Variants in SPG7 observed in about 807,000 individuals in gnomAD.
SPG7 encodes the protein mitochondrial inner membrane m-AAA protease component paraplegin.
In SPG7, 103 loss-of-function variants were observed where a neutral mutation model predicts 81.9. The observed-to-expected ratio is 1.26, with a 90% CI of 1.07 to 1.48. The LOEUF (loss-of-function observed/expected upper bound fraction) is 1.48, where lower values mean the gene tolerates loss of function less well. Among genes scored for constraint, SPG7 ranks in the 40% most tolerant of loss-of-function variants. The probability of loss-of-function intolerance (pLI) is 0.00; values close to 1 mark genes in which losing one functional copy is unlikely to be tolerated. For synonymous variants in SPG7, 534 were observed against 444.2 expected, an observed-to-expected ratio of 1.20 and a Z score of -2.54; for missense variants, 1,241 against 1,087.3, an observed-to-expected ratio of 1.14 and a Z score of -1.99.
rs199557055 is a variant in SPG7 at position 89,515,711 on chromosome 16, TA to T, written c.376+2675del. ...CTATTATTATTATTACTATTATTATTATTATTTTTTTTTTTGAGATGGGGTC... is the reference window on the plus strand; with the variant it reads ...CTATTATTATTATTACTATTATTATTTTATTTTTTTTTTTGAGATGGGGTC... On this transcript the variant is annotated intron_variant, in intron 3 of 16. Coordinates refer to ENST00000645818, the MANE Select transcript of SPG7 (RefSeq NM_003119.4). Among the ~76,000 whole-genome samples, 115 of 143,820 alleles carry T rather than the reference TA, an allele frequency of 8.0e-4. 1 individual carries two copies. The highest frequency in any genetic ancestry group is 3.0e-3 in the African/African-American group (106 of 35,654). The allele number at this position is 143,820 out of a possible 152,430, so 94.4% of individuals were successfully genotyped here.
Position 89,537,524 on chromosome 16 carries a change from T to G in SPG7, c.1324+4888T>G, listed in dbSNP as rs959526226. 6.0e-6 allele frequency: 6 copies of G among 992,290 alleles called. No homozygotes were observed. The African/African-American group carries it at 8.7e-5, about 14-fold the overall frequency. 61.5% of individuals were successfully genotyped at this position (992,290 alleles called of 1,614,324 possible). A position where few individuals can be genotyped will look rare whatever the true frequency, so the allele number is the denominator to read the frequency against. ...CACAGAAAAGGCTGCTGTGAACATT[T>G]TATGCTTCGACTTTTTTTTTCTTCA... On this transcript the variant is annotated intron_variant, in intron 9 of 16. Transcript: ENST00000645818.
At chr16:89,511,478 T>G (rs1555609236) in intron 2 of SPG7, among the ~76,000 whole-genome samples, 1 of 152,242 alleles carries the variant, frequency 6.6e-6, no homozygotes, top group Non-Finnish European at 1.5e-5. Flanking sequence ...TTAAACAGCT[T>G]TGTGCCAACA....
chr16:89,523,958 C>G (rs755249434), intron 3 of SPG7, 48 bp from the exon 4 acceptor site: 1 of 1,605,834 alleles, frequency 6.2e-7, no homozygotes, highest in South Asian at 1.1e-5. Context: ...TCGCCCGTGT[C>G]TGTTGCTCAT....
intron 12 of SPG7, chr16:89,549,240 G>A (rs754142444): frequency 4.4e-6 from 2 of 456,864 alleles, no homozygotes; most frequent in Admixed American, 2.3e-5. Flanking sequence ...AATACATGAC[G>A]TACTTGAGTG....
chr16:89,536,582 G>GGGTGA (rs1432199830), intron 9 of SPG7, among the ~76,000 whole-genome samples: 6 of 56,208 alleles, frequency 1.1e-4, no homozygotes, highest in Non-Finnish European at 2.0e-4. Flanking sequence ...CAGGTGAGGC[G>GGGTGA]GGTGAGGTGA....
chr16:89,544,815 C>T (rs2058542587), intron 10 of SPG7, 43 bp downstream of exon 10: 1 of 1,611,710 alleles, frequency 6.2e-7, no homozygotes. Flanking sequence ...ACCTGGGCCG[C>T]CCCCACTCGC....
chr16:89,548,762 T>C, intron 12 of SPG7: 2 of 359,208 alleles, frequency 5.6e-6, no homozygotes, highest in Non-Finnish European at 1.1e-5. Context: ...GAGGTTTCCA[T>C]AGCTATGATG....
intron 11 of SPG7, chr16:89,547,689 C>T (rs561488639): frequency 2.6e-5 from 10 of 377,718 alleles, no homozygotes; most frequent in Admixed American, 1.9e-4. Flanking sequence ...CTTGGCTCCC[C>T]GCAGCCTCCG....
At chr16:89,554,762 G>A (rs908130478) in intron 16 of SPG7, 199 bp downstream of exon 16, 5 of 583,204 alleles carry the variant, frequency 8.6e-6, no homozygotes, top group South Asian at 3.7e-5. Context: ...GTGTTCCCCC[G>A]AGGTAGAAAG....
chr16:89,512,817 C>T, intron 2 of SPG7, 131 bp from the exon 3 acceptor site: 1 of 851,468 alleles, frequency 1.2e-6, no homozygotes. Flanking sequence ...ATTTATAAAT[C>T]TTATGGATAT....
At chr16:89,531,304 A>G in intron 7 of SPG7, 1 of 246,838 alleles carries the variant, frequency 4.1e-6, no homozygotes. Context: ...CAGGGGAGTG[A>G]CTGAGCCCAG....
intron 11 of SPG7, chr16:89,547,173 G>A (rs1041912896): frequency 4.1e-6 from 1 of 243,152 alleles, no homozygotes; most frequent in African/African-American, 2.2e-5. Context: ...TGCTTTTCCT[G>A]CTGTGTGGTT....
At chr16:89,555,720 A>G in intron 16 of SPG7, 1 of 397,508 alleles carries the variant, frequency 2.5e-6, no homozygotes. Flanking sequence ...TGTGTTTCTC[A>G]CAGTGGGCAG....
At position 89,531,942 on chromosome 16, in the gene SPG7, A is replaced by G. The variant is rs751449066; in HGVS notation, c.1026A>G (p.Pro342=). Reference sequence around the variant, plus strand: ...TCCTCCAGCTTGGCGCCAAGGTCCCAAAGGGCGCACTGCTGCTCGGCCCCC... The same window carrying G: ...TCCTCCAGCTTGGCGCCAAGGTCCCGAAGGGCGCACTGCTGCTCGGCCCCC... ...ERFLQLGAKV[P]KGALLLGPPG... The change falls in exon 8 of 17, where the codon CCA becomes CCG. Residue 342 remains proline (P), a synonymous_variant. Coordinates refer to ENST00000645818, the MANE Select transcript of SPG7 (RefSeq NM_003119.4). 5.6e-6 allele frequency: 9 copies of G among 1,613,966 alleles called. No homozygotes were observed. The highest frequency in any genetic ancestry group is 2.7e-5 in the African/African-American group (2 of 74,936).
chr16:89,554,099 C>G lies in SPG7; in HGVS notation c.2103+139C>G, dbSNP rs1412271881. The stretch of plus-strand genomic sequence containing the variant: ...CACCTGGGTTTCTTCCTTCTGGGCT[C>G]TGCTGTAGTTCCCACCTGTGGAGTA... On this transcript the variant is annotated intron_variant, in intron 15 of 16. Coordinates refer to ENST00000645818, the MANE Select transcript of SPG7 (RefSeq NM_003119.4). 5.1e-6 allele frequency: 4 copies of G among 784,632 alleles called. No homozygotes were observed. In the African/African-American group the frequency reaches 5.2e-5, roughly 10 times the overall value. 48.6% of individuals were successfully genotyped at this position (784,632 alleles called of 1,614,324 possible). A position where few individuals can be genotyped will look rare whatever the true frequency, so the allele number is the denominator to read the frequency against.
intron 9 of SPG7, among the ~76,000 whole-genome samples, chr16:89,535,854 T>C (rs375260227): frequency 6.9e-6 from 1 of 144,428 alleles, no homozygotes; most frequent in Non-Finnish European, 1.5e-5. Context: ...CAGTGTGGCC[T>C]CTCTGGTGCT....
At chr16:89,516,524 C>T (rs2058098610) in intron 3 of SPG7, among the ~76,000 whole-genome samples, 1 of 151,928 alleles carries the variant, frequency 6.6e-6, no homozygotes, top group Admixed American at 6.6e-5. Flanking sequence ...GCACTTCAGC[C>T]TGGATAATAG....
Position 89,510,551 on chromosome 16 carries a change from A to G in SPG7, c.245A>G (p.Gln82Arg). The G allele has an allele frequency of 1.2e-6, 2 of 1,613,284 alleles. No homozygotes were observed. Among genetic ancestry groups the G allele is most frequent in the Non-Finnish European group, 8.5e-7 (1 of 1,179,612 alleles). ...FEGINGLLLK[Q>R]HLVQNPVRLW... The stretch of plus-strand genomic sequence containing the variant: ...GGGATCAACGGATTGTTGTTGAAAC[A>G]ACATTTAGTTCAGAATCCAGTCAGA... Residue 82 changes from glutamine (Q) to arginine (R), a missense_variant, in exon 2 of 17, where the codon CAA becomes CGA. By Grantham distance (43) the Gln-to-Arg change is conservative (BLOSUM62 1). Coordinates refer to ENST00000645818, the MANE Select transcript of SPG7 (RefSeq NM_003119.4).
At chr16:89,540,748 TGACCCCGTGTCCACATGC>T in intron 9 of SPG7, 1 of 297,424 alleles carries the variant, frequency 3.4e-6, no homozygotes, top group South Asian at 1.3e-4. Context: ...GCTCACCATG[TGACCCCGTGTCCACATGC>T]GCTCACCACA....
Sources: gnomAD v4.1 joint callset for allele counts (sites outside exome capture counted in the v4.1 genomes callset) on GRCh38, gnomAD v4.1.1 for gene constraint, MANE v1.5 for transcripts, NCBI Gene and HGNC (gene_info 2026-07-23, HGNC 2026-07-21) for gene names.